SPTBN1: variants seen among roughly 807,000 people sequenced by gnomAD.
SPTBN1 encodes spectrin beta, non-erythrocytic 1.
SPTBN1 carries 32 observed loss-of-function variants against 266.4 expected under a neutral mutation model. The ratio of observed to expected loss-of-function variants is 0.12; its 90% CI spans 0.09 to 0.16. The LOEUF (loss-of-function observed/expected upper bound fraction) is 0.16, where lower values mean the gene tolerates loss of function less well. Ranked by LOEUF, SPTBN1 falls within the 10% of genes least tolerant of loss-of-function variation. SPTBN1 has a pLI of 1.00. For missense variants in SPTBN1, 2,296 were observed against 3,067.1 expected, an observed-to-expected ratio of 0.75 and a Z score of 5.94; for synonymous variants, 1,336 against 1,162.2, an observed-to-expected ratio of 1.15 and a Z score of -3.04.
intron 26 of SPTBN1, among the ~76,000 whole-genome samples, chr2:54,651,651 T>C (rs1558471333): frequency 6.6e-6 from 1 of 152,232 alleles, no homozygotes; most frequent in Non-Finnish European, 1.5e-5. Context: ...TCACTTTTGC[T>C]GTCCTCTTGT....
chr2:54,490,347 C>G (rs1020844035), intron 1 of SPTBN1, among the ~76,000 whole-genome samples: 5 of 152,174 alleles, frequency 3.3e-5, no homozygotes, highest in African/African-American at 1.2e-4. Context: ...GCTAGGAGTA[C>G]AGGCAAGAGC....
chr2:54,635,665 T>G (rs1679072857), intron 17 of SPTBN1, among the ~76,000 whole-genome samples: 1 of 152,270 alleles, frequency 6.6e-6, no homozygotes, highest in South Asian at 2.1e-4. Context: ...TGTTGTTAAT[T>G]TCCAGTATCT....
chr2:54,548,193 A>AT (rs1252486114), intron 2 of SPTBN1, among the ~76,000 whole-genome samples: 2 of 152,156 alleles, frequency 1.3e-5, no homozygotes, highest in Non-Finnish European at 1.5e-5. Flanking sequence ...TTTGTCAGGT[A>AT]TTTTTTTAAG....
intron 1 of SPTBN1, among the ~76,000 whole-genome samples, chr2:54,510,225 C>T (rs901774347): frequency 1.3e-5 from 2 of 152,134 alleles, no homozygotes; most frequent in African/African-American, 2.4e-5. Flanking sequence ...GGATTATAGG[C>T]GTGAGCCACT....
At position 54,526,401 on chromosome 2, in the gene SPTBN1, C is replaced by T. The variant is rs768691443; in HGVS notation, c.-18C>T. 2.1e-5 allele frequency: 34 copies of T among 1,610,924 alleles called. No individual in the cohort carries two copies. The Admixed American group carries it at 3.0e-4, about 14-fold the overall frequency. The stretch of plus-strand genomic sequence containing the variant: ...CTAAGAAGGAGCTGATGTGGAGGAG[C>T]AGCTGAGACAGTTCAAGATGACGAC... On this transcript the variant is annotated 5_prime_UTR_variant, in exon 2 of 36. Coordinates refer to ENST00000356805, the MANE Select transcript of SPTBN1 (RefSeq NM_003128.3).
chr2:54,461,089 A>G (rs1460942064), intron 1 of SPTBN1, among the ~76,000 whole-genome samples: 5 of 152,224 alleles, frequency 3.3e-5, no homozygotes, highest in African/African-American at 1.2e-4. Context: ...GCCCACCTCC[A>G]TCATCCCATC....
chr2:54,638,565 T>G (rs921093166), intron 18 of SPTBN1, among the ~76,000 whole-genome samples: 5 of 152,234 alleles, frequency 3.3e-5, no homozygotes, highest in African/African-American at 1.2e-4. Context: ...GCACAAACTT[T>G]GAAAACTAAA....
chr2:54,575,495 C>A (rs1196835834), intron 2 of SPTBN1, among the ~76,000 whole-genome samples: 1 of 152,234 alleles, frequency 6.6e-6, no homozygotes, highest in Admixed American at 6.5e-5. Flanking sequence ...ACAAAACTGA[C>A]GTCCACCCAC....
chr2:54,466,987 A>G (rs897768879), intron 1 of SPTBN1, among the ~76,000 whole-genome samples: 1 of 152,078 alleles, frequency 6.6e-6, no homozygotes, highest in Non-Finnish European at 1.5e-5. Flanking sequence ...GAGTGTGGGA[A>G]AAGCTCTAAG....
chr2:54,611,472 C>T (rs1052424546), intron 3 of SPTBN1, among the ~76,000 whole-genome samples: 1 of 151,308 alleles, frequency 6.6e-6, no homozygotes, highest in East Asian at 1.9e-4. Context: ...TCTACTCTCT[C>T]TCTATATATA....
At chr2:54,617,003 C>T (rs1677653000) in intron 5 of SPTBN1, among the ~76,000 whole-genome samples, 1 of 152,088 alleles carries the variant, frequency 6.6e-6, no homozygotes, top group African/African-American at 2.4e-5. Flanking sequence ...GAGCTTATGG[C>T]CTAATAAAAG....
Position 54,666,077 on chromosome 2 carries a change from A to G in SPTBN1, c.6822A>G (p.Val2274=), listed in dbSNP as rs201599670. Residue 2274 remains valine, a synonymous_variant, in exon 34 of 36, where the codon GTA becomes GTG. Transcript: ENST00000356805. ...VALDYKKKKH[V]FKLRLNDGNE... Reference sequence around the variant, plus strand: ...TTGATTACAAAAAGAAGAAACACGTATTCAAGCTAAGGTGAGAGTCGCCGT... The same window carrying G: ...TTGATTACAAAAAGAAGAAACACGTGTTCAAGCTAAGGTGAGAGTCGCCGT... 1.9e-6 allele frequency: 3 copies of G among 1,612,290 alleles called. No homozygotes were observed. Among genetic ancestry groups the G allele is most frequent in the Middle Eastern group, 1.7e-4 (1 of 6,056 alleles).
intron 9 of SPTBN1, 148 bp from the exon 10 acceptor site, chr2:54,623,331 G>A (rs1403044985): frequency 1.5e-6 from 1 of 664,620 alleles, no homozygotes; most frequent in Non-Finnish European, 2.6e-6. Flanking sequence ...ATGTTTCAAG[G>A]TTTGTAATAG....
intron 3 of SPTBN1, among the ~76,000 whole-genome samples, chr2:54,610,695 C>T (rs1183343777): frequency 6.6e-6 from 1 of 152,204 alleles, no homozygotes; most frequent in Non-Finnish European, 1.5e-5. Context: ...AAATGGTGGG[C>T]CACCACAACT....
At chr2:54,480,285 C>T (rs1016098984) in intron 1 of SPTBN1, among the ~76,000 whole-genome samples, 2 of 152,178 alleles carry the variant, frequency 1.3e-5, no homozygotes, top group Admixed American at 1.3e-4. Context: ...TGGCAAAGCC[C>T]AACCTCTTCT....
intron 3 of SPTBN1, among the ~76,000 whole-genome samples, chr2:54,602,193 G>A (rs967536131): frequency 5.9e-5 from 9 of 152,122 alleles, no homozygotes; most frequent in African/African-American, 1.9e-4. Context: ...CTCCATAAAG[G>A]TCTCACTTGA....
At chr2:54,544,641 T>C (rs914567784) in intron 2 of SPTBN1, among the ~76,000 whole-genome samples, 11 of 152,202 alleles carry the variant, frequency 7.2e-5, no homozygotes, top group Non-Finnish European at 1.5e-4. Context: ...AACATTTATT[T>C]GTACTAAATA....
chr2:54,617,615 A>G lies in SPTBN1; in HGVS notation c.574A>G (p.Asn192Asp). Residue 192 changes from asparagine to aspartate, a missense_variant, in exon 6 of 36, where the codon AAT (asparagine) becomes GAT (aspartate). Asn to Asp is a conservative substitution (Grantham distance 23). Coordinates refer to ENST00000356805, the MANE Select transcript of SPTBN1 (RefSeq NM_003128.3). ...CTGCTTTGTCCTTGGCAGGTACCCC[A>G]ATGTCAACATTCACAATTTCACCAC... Reference protein sequence around the residue: ...WCQMKTAGYPNVNIHNFTTSW... With the variant: ...WCQMKTAGYPDVNIHNFTTSW... 8 of 1,614,100 alleles carry G rather than the reference A, an allele frequency of 5.0e-6. No homozygotes were observed. Among genetic ancestry groups the G allele is most frequent in the Non-Finnish European group, 6.8e-6 (8 of 1,179,986 alleles).
chr2:54,652,855 T>C (rs931149293), intron 26 of SPTBN1: 2 of 149,110 alleles, frequency 1.3e-5, no homozygotes, highest in Non-Finnish European at 3.0e-5. Flanking sequence ...CCAGTTTCTG[T>C]GTTGGTTTGT....
Sources: allele counts gnomAD v4.1 joint callset (sites outside exome capture counted in the v4.1 genomes callset), GRCh38; gene constraint gnomAD v4.1.1; transcripts MANE v1.5; gene names NCBI Gene and HGNC (gene_info 2026-07-23, HGNC 2026-07-21).